ZNF282: variants seen among roughly 807,000 people sequenced by gnomAD.
The protein encoded by ZNF282 is zinc finger protein 282.
Under a neutral mutation model 61.9 loss-of-function variants are expected in ZNF282, and 30 were observed. The observed-to-expected ratio is 0.48, with a 90% CI of 0.36 to 0.66. The LOEUF (loss-of-function observed/expected upper bound fraction) is 0.66. ZNF282 is among the 30% of genes least tolerant of loss of function. ZNF282 has a pLI of 0.00. For missense variants in ZNF282, 788 were observed against 941.4 expected, an observed-to-expected ratio of 0.84 and a Z score of 2.13; for synonymous variants, 396 against 405.0, an observed-to-expected ratio of 0.98 and a Z score of 0.27.
At chr7:149,215,560 G>A (rs1471305799) in intron 7 of ZNF282, among the ~76,000 whole-genome samples, 3 of 152,124 alleles carry the variant, frequency 2.0e-5, no homozygotes, top group Admixed American at 2.0e-4. Context: ...GGTTGTTTCT[G>A]GTTCTGAACA....
At chr7:149,195,797 GCGGGGCGCGGGCTGGGCCGCGGGAC>G in intron 1 of ZNF282, 43 bp downstream of exon 1, 1 of 1,426,636 alleles carries the variant, frequency 7.0e-7, no homozygotes, top group Non-Finnish European at 9.1e-7. Flanking sequence ...TGCCGTGGGG[GCGGGGCGCGGGCTGGGCCGCGGGAC>G]CGGGCCGCGC....
chr7:149,212,400 A>G lies in ZNF282; in HGVS notation c.995A>G (p.Gln332Arg), dbSNP rs755913500. The change falls in exon 6 of 8, where the codon CAG (glutamine) becomes CGG (arginine). Residue 332 changes from glutamine (Q) to arginine (R), a missense_variant. By Grantham distance (43) the Gln-to-Arg change is conservative. Coordinates refer to ENST00000610704, the MANE Select transcript of ZNF282 (RefSeq NM_003575.4). ...SAQDLLSRIK[Q>R]EEHQCVWDQQ... is the part of the protein sequence containing the mutation. The stretch of plus-strand genomic sequence containing the variant: ...CAGGACCTCTTGTCCCGGATTAAAC[A>G]GGAGGAGCATCAGTGCGTGTGGGAT... The G allele has an allele frequency of 5.5e-5, 88 of 1,612,838 alleles. No individual in the cohort carries two copies. The highest frequency in any genetic ancestry group is 7.5e-5 in the Non-Finnish European group (88 of 1,179,584).
At chr7:149,214,498 C>T (rs756602665) in intron 7 of ZNF282, among the ~76,000 whole-genome samples, 8 of 151,974 alleles carry the variant, frequency 5.3e-5, no homozygotes, top group Admixed American at 1.3e-4. Context: ...CCAGTGTGCC[C>T]GAGGCAGTTG....
intron 2 of ZNF282, among the ~76,000 whole-genome samples, chr7:149,202,643 G>A (rs555884518): frequency 6.6e-6 from 1 of 151,672 alleles, no homozygotes; most frequent in East Asian, 1.9e-4. Flanking sequence ...TAGAGACAGG[G>A]TTTCACCATG....
At chr7:149,210,484 GA>G (rs1207231265) in intron 4 of ZNF282, 100 bp from the exon 5 acceptor site, 10 of 1,553,016 alleles carry the variant, frequency 6.4e-6, no homozygotes, top group Non-Finnish European at 7.8e-6. Context: ...CCAGCATGCA[GA>G]AAAAAAGACA....
At chr7:149,219,689 A>T (rs967807974) in intron 7 of ZNF282, among the ~76,000 whole-genome samples, 7 of 152,130 alleles carry the variant, frequency 4.6e-5, no homozygotes, top group African/African-American at 1.7e-4. Context: ...TCTACTAAAA[A>T]TACAAAAATT....
intron 7 of ZNF282, among the ~76,000 whole-genome samples, chr7:149,218,878 C>T (rs1279655853): frequency 6.6e-6 from 1 of 152,180 alleles, no homozygotes; most frequent in Non-Finnish European, 1.5e-5. Context: ...AAAGGAGATC[C>T]ATAAGGCTAG....
At chr7:149,210,185 A>G (rs1052001086) in intron 4 of ZNF282, among the ~76,000 whole-genome samples, 1 of 151,998 alleles carries the variant, frequency 6.6e-6, no homozygotes, top group Non-Finnish European at 1.5e-5. Context: ...GACTGGGGTG[A>G]CTAACAAGGA....
intron 6 of ZNF282, 54 bp downstream of exon 6, chr7:149,212,525 A>T: frequency 7.6e-7 from 1 of 1,316,538 alleles, no homozygotes; most frequent in Non-Finnish European, 1.1e-6. Flanking sequence ...TTCAAAAGGA[A>T]TCATTAAATT....
Position 149,210,475 on chromosome 7 carries a change from C to T in ZNF282, c.833-110C>T, listed in dbSNP as rs186198460. 2.8e-4 allele frequency: 426 copies of T among 1,534,564 alleles called. 2 individuals carry two copies. The African/African-American group carries it at 5.3e-3, about 19-fold the overall frequency. ...TCTGAGCCCAGAATGTCCTGGTGAC[C>T]AGCATGCAGAAAAAAAGACACAAAG... On this transcript the variant is annotated intron_variant, in intron 4 of 7. Coordinates refer to ENST00000610704, the MANE Select transcript of ZNF282 (RefSeq NM_003575.4).
chr7:149,197,229 C>T (rs936977515), intron 1 of ZNF282, among the ~76,000 whole-genome samples: 1 of 152,228 alleles, frequency 6.6e-6, no homozygotes, highest in African/African-American at 2.4e-5. Flanking sequence ...ATGGGGCACC[C>T]CTTCCCCAGG....
At chr7:149,223,615 C>A (rs1291098634) in intron 7 of ZNF282, among the ~76,000 whole-genome samples, 197 bp from the exon 8 acceptor site, 2 of 152,190 alleles carry the variant, frequency 1.3e-5, no homozygotes, top group Admixed American at 6.5e-5. Context: ...CTGCTTGACC[C>A]GTTTCTGGGC....
intron 5 of ZNF282, 160 bp from the exon 6 acceptor site, chr7:149,212,198 C>T: frequency 7.5e-6 from 4 of 533,728 alleles, no homozygotes; most frequent in Non-Finnish European, 1.3e-5. Context: ...TTAATTGGGG[C>T]CAAGCTGACT....
In ZNF282 at chr7:149,212,441, G is replaced by C. The variant is rs768980614; in HGVS notation, c.1036G>C (p.Asp346His). Residue 346 changes from aspartate to histidine, a missense_variant, in exon 6 of 8, where the codon GAC becomes CAC. Physicochemically the swap from Asp to His is moderately conservative, Grantham distance 81. Coordinates refer to ENST00000610704, the MANE Select transcript of ZNF282 (RefSeq NM_003575.4). ...CGTGTGGGATCAGCAGGATTTGGCA[G>C]ACAGAGATATTCCCACGGATCCCAA... ...QCVWDQQDLA[D>H]RDIPTDPNSE... 1.2e-6 allele frequency: 2 copies of C among 1,613,052 alleles called. No individual in the cohort carries two copies. Among genetic ancestry groups the C allele is most frequent in the South Asian group, 2.2e-5 (2 of 90,770 alleles).
In ZNF282 at chr7:149,213,762, A is replaced by G; in HGVS notation, c.1128A>G (p.Pro376=). Reference sequence around the variant, plus strand: ...TCAAGCAGGAGGAGCAGCCATACCCATGGGGACCACGCGACTCAATGGACG... The same window carrying G: ...TCAAGCAGGAGGAGCAGCCATACCCGTGGGGACCACGCGACTCAATGGACG... The part of the protein sequence containing the change: ...SWIKQEEQPY[P]WGPRDSMDGE... Residue 376 remains proline (P), a synonymous_variant, in exon 7 of 8, where the codon CCA becomes CCG. Coordinates refer to ENST00000610704, the MANE Select transcript of ZNF282 (RefSeq NM_003575.4). 3 of 1,613,856 alleles carry G rather than the reference A, an allele frequency of 1.9e-6. No individual in the cohort carries two copies. Among genetic ancestry groups the G allele is most frequent in the Non-Finnish European group, 2.5e-6 (3 of 1,179,968 alleles).
At chr7:149,195,983 A>G in intron 1 of ZNF282, among the ~76,000 whole-genome samples, 1 of 150,568 alleles carries the variant, frequency 6.6e-6, no homozygotes, top group East Asian at 1.9e-4. Context: ...GGCGCGGAGC[A>G]GCGGTCGCCG....
At chr7:149,212,337 C>T (rs369909110) in intron 5 of ZNF282, 21 bp from the exon 6 acceptor site, 41 of 1,573,244 alleles carry the variant, frequency 2.6e-5, no homozygotes, top group East Asian at 1.6e-4. Context: ...ACACCTTTGC[C>T]GCTCTTGTTC....
intron 7 of ZNF282, among the ~76,000 whole-genome samples, chr7:149,217,557 C>G (rs1796178106): frequency 6.6e-6 from 1 of 151,472 alleles, no homozygotes; most frequent in Non-Finnish European, 1.5e-5. Context: ...GAGTAAGGCT[C>G]TGTCTCAAAA....
Position 149,207,354 on chromosome 7 carries a change from C to T in ZNF282, c.716C>T (p.Ala239Val), listed in dbSNP as rs762125899. The T allele has an allele frequency of 6.3e-6, 10 of 1,587,934 alleles. No individual in the cohort carries two copies. The highest frequency in any genetic ancestry group is 1.1e-5 in the South Asian group (1 of 87,404). Residue 239 changes from alanine (A) to valine (V), a missense_variant, in exon 4 of 8, where the codon GCG (alanine) becomes GTG (valine). Ala to Val is a moderately conservative substitution (Grantham distance 64). Coordinates refer to ENST00000610704, the MANE Select transcript of ZNF282 (RefSeq NM_003575.4). The stretch of plus-strand genomic sequence containing the variant: ...CCTCCCTCCTCCTCACTTCCAGACG[C>T]GGAGGGCTCAGTCCCCAAGCCAGAT... Reference protein sequence around the residue: ...ENYKTLMSLDAEGSVPKPDAP... With the variant: ...ENYKTLMSLDVEGSVPKPDAP...
Sources: allele counts gnomAD v4.1 joint callset (sites outside exome capture counted in the v4.1 genomes callset), GRCh38; gene constraint gnomAD v4.1.1; transcripts MANE v1.5; gene names NCBI Gene and HGNC (gene_info 2026-07-23, HGNC 2026-07-21).